Variants in TGM3 observed in about 807,000 individuals in gnomAD.
The protein encoded by TGM3 is transglutaminase 3, also known as protein-glutamine gamma-glutamyltransferase E.
TGM3 carries 52 observed loss-of-function variants against 73.8 expected under a neutral mutation model. That is an observed-to-expected ratio of 0.70 (90% CI 0.56 to 0.89). TGM3 has a LOEUF of 0.89. TGM3 is among the 40% of genes least tolerant of loss of function. The pLI is 0.00. For synonymous variants in TGM3, 372 were observed against 354.9 expected (o/e 1.05, Z -0.54); for missense variants, 928 against 909.9 (o/e 1.02, Z -0.26).
At chr20:2,323,802 A>C (rs1600702551) in intron 7 of TGM3, among the ~76,000 whole-genome samples, 2 of 152,036 alleles carry the variant, frequency 1.3e-5, no homozygotes, top group South Asian at 2.1e-4. Context: ...TTGTCATTTT[A>C]ATTTTCTTTT....
intron 11 of TGM3, among the ~76,000 whole-genome samples, chr20:2,337,057 C>T (rs574867786): frequency 7.9e-5 from 12 of 152,280 alleles, no homozygotes; most frequent in Middle Eastern, 3.4e-3. Context: ...CCTACCCAAC[C>T]GTAAACTCCA....
chr20:2,296,278 A>G (rs915733315), intron 1 of TGM3, among the ~76,000 whole-genome samples: 5 of 152,174 alleles, frequency 3.3e-5, no homozygotes, highest in African/African-American at 1.2e-4. Flanking sequence ...GTAGAACATC[A>G]TTGGAATGTA....
At chr20:2,303,540 G>A (rs1405897249) in intron 1 of TGM3, among the ~76,000 whole-genome samples, 2 of 151,990 alleles carry the variant, frequency 1.3e-5, no homozygotes, top group African/African-American at 4.8e-5. Context: ...GGTTTAAATG[G>A]CAATTTTTAT....
At chr20:2,316,039 CACAT>C (rs2084231480) in intron 5 of TGM3, among the ~76,000 whole-genome samples, 1 of 152,186 alleles carries the variant, frequency 6.6e-6, no homozygotes, top group Non-Finnish European at 1.5e-5. Context: ...TTAGACATTA[CACAT>C]TTGTCATAAT....
At chr20:2,308,726 C>T (rs1397231769) in intron 1 of TGM3, among the ~76,000 whole-genome samples, 1 of 152,184 alleles carries the variant, frequency 6.6e-6, no homozygotes, top group African/African-American at 2.4e-5. Context: ...AATACCGAGG[C>T]ATTGCAAATA....
chr20:2,297,297 C>A (rs1600687165), intron 1 of TGM3, among the ~76,000 whole-genome samples: 1 of 152,200 alleles, frequency 6.6e-6, no homozygotes, highest in Non-Finnish European at 1.5e-5. Context: ...ACATCTGGAA[C>A]ATAAAAAAGC....
At chr20:2,323,753 T>C (rs1162775968) in intron 7 of TGM3, among the ~76,000 whole-genome samples, 1 of 152,254 alleles carries the variant, frequency 6.6e-6, no homozygotes, top group Non-Finnish European at 1.5e-5. Flanking sequence ...TCTGTCAGTC[T>C]AATAGGTGTC....
chr20:2,327,706 A>G (rs1173508657), intron 8 of TGM3, among the ~76,000 whole-genome samples: 1 of 152,164 alleles, frequency 6.6e-6, no homozygotes, highest in Non-Finnish European at 1.5e-5. Flanking sequence ...GCTCAGAGGA[A>G]CAAGAGGTCC....
rs746909518 is a variant in TGM3 at position 2,310,232 on chromosome 20, G to A, written c.236G>A (p.Gly79Asp). The A allele has an allele frequency of 1.2e-6, 2 of 1,614,234 alleles. No individual in the cohort carries two copies. The highest frequency in any genetic ancestry group is 1.7e-6 in the Non-Finnish European group (2 of 1,180,038). Residue 79 changes from glycine to aspartate, a missense_variant, in exon 3 of 13, where the codon GGC becomes GAC. Gly to Asp is a moderately conservative substitution (Grantham distance 94). Transcript: ENST00000381458. ...AAGGCTGTGTTTCCACTCTCCAATG[G>A]CAGTAGTGGTGGCTGGAGTGCGGTG... ...MTKAVFPLSN[G>D]SSGGWSAVLQ...
intron 1 of TGM3, among the ~76,000 whole-genome samples, chr20:2,301,197 G>A (rs1430139979): frequency 6.6e-6 from 1 of 151,780 alleles, no homozygotes; most frequent in Non-Finnish European, 1.5e-5. Context: ...AGAAAGGAGA[G>A]AGAGATGGGT....
At chr20:2,303,964 A>G (rs1221731993) in intron 1 of TGM3, among the ~76,000 whole-genome samples, 1 of 152,192 alleles carries the variant, frequency 6.6e-6, no homozygotes, top group Non-Finnish European at 1.5e-5. Flanking sequence ...ATTGTTCTCT[A>G]AGGTTTTTCC....
In TGM3 at chr20:2,330,493, G is replaced by A. The variant is rs111233765; in HGVS notation, c.1334-1509G>A. 1.7e-3 allele frequency among the ~76,000 whole-genome samples: 259 copies of A among 152,346 alleles called. 1 individual carries two copies. The highest frequency in any genetic ancestry group is 6.0e-3 in the African/African-American group (250 of 41,576). Reference sequence around the variant, plus strand: ...CTGCCTGCCTTCTTTTTAGCAGGGTGTGTGGGAGGAAACTTAGACCAGGGG... The same window carrying A: ...CTGCCTGCCTTCTTTTTAGCAGGGTATGTGGGAGGAAACTTAGACCAGGGG... On this transcript the variant is annotated intron_variant, in intron 9 of 12. Coordinates refer to ENST00000381458, the MANE Select transcript of TGM3 (RefSeq NM_003245.4).
chr20:2,310,092 C>G lies in TGM3; in HGVS notation c.182-86C>G. 8.9e-6 allele frequency: 14 copies of G among 1,570,642 alleles called. No individual in the cohort carries two copies. The South Asian group carries it at 1.6e-4, about 18-fold the overall frequency. ...TATGGCGCTTCATTGGCTCATGTCC[C>G]CCAGAGGGGGGTTGTATTGGAACCT... On this transcript the variant is annotated intron_variant, in intron 2 of 12. Coordinates refer to ENST00000381458, the MANE Select transcript of TGM3 (RefSeq NM_003245.4).
intron 1 of TGM3, among the ~76,000 whole-genome samples, chr20:2,304,130 G>C (rs10485599): frequency 0.099 from 15,091 of 152,146 alleles, 2,547 homozygotes; most frequent in African/African-American, 0.34. Context: ...CTGTAAACCT[G>C]AGAACCTTAG....
chr20:2,306,228 A>G (rs1249600603), intron 1 of TGM3, among the ~76,000 whole-genome samples: 1 of 151,970 alleles, frequency 6.6e-6, no homozygotes, highest in Admixed American at 6.6e-5. Context: ...CTCTTTCCTT[A>G]CCACTGTGCT....
chr20:2,325,854 T>C lies in TGM3; in HGVS notation c.989T>C (p.Phe330Ser). 6.4e-7 allele frequency: 1 copy of C among 1,560,766 alleles called. No individual in the cohort carries two copies. The highest frequency in any genetic ancestry group is 8.7e-7 in the Non-Finnish European group (1 of 1,151,294). ...LDKGSDSVWN[F>S]HVWNEGWFVR... Reference sequence around the variant, plus strand: ...GTCTCTGGTTCTATCTGCAGGAATTTCCATGTCTGGAATGAAGGCTGGTTT... The same window carrying C: ...GTCTCTGGTTCTATCTGCAGGAATTCCCATGTCTGGAATGAAGGCTGGTTT... The change falls in exon 8 of 13, where the codon TTC (phenylalanine) becomes TCC (serine). Residue 330 changes from phenylalanine to serine, a missense_variant. Physicochemically the swap from Phe to Ser is radical, Grantham distance 155. Coordinates refer to ENST00000381458, the MANE Select transcript of TGM3 (RefSeq NM_003245.4).
intron 7 of TGM3, among the ~76,000 whole-genome samples, chr20:2,319,811 G>A (rs2122231320): frequency 6.6e-6 from 1 of 152,348 alleles, no homozygotes; most frequent in South Asian, 2.1e-4. Context: ...GAGGGCATGA[G>A]GACAGGGAGT....
intron 5 of TGM3, 83 bp from the exon 6 acceptor site, chr20:2,316,985 C>A: frequency 2.0e-6 from 3 of 1,520,034 alleles, no homozygotes; most frequent in Non-Finnish European, 2.7e-6. Context: ...CATCTCCCCA[C>A]CTTGTCCTCT....
At chr20:2,317,967 T>C (rs182857795) in intron 7 of TGM3, among the ~76,000 whole-genome samples, 58 of 148,350 alleles carry the variant, frequency 3.9e-4, no homozygotes, top group African/African-American at 1.3e-3. Context: ...TATACACCTA[T>C]TGTATACCTT....
Sources: gnomAD v4.1 joint callset for allele counts (sites outside exome capture counted in the v4.1 genomes callset) on GRCh38, gnomAD v4.1.1 for gene constraint, MANE v1.5 for transcripts, NCBI Gene and HGNC (gene_info 2026-07-23, HGNC 2026-07-21) for gene names.